The following MDGA2 variants were observed in gnomAD, a reference collection of about 807,000 sequenced individuals.
MDGA2 encodes the protein MAM domain containing glycosylphosphatidylinositol anchor 2.
Under a neutral mutation model 117.8 loss-of-function variants are expected in MDGA2, and 40 were observed. That is an observed-to-expected ratio of 0.34 (90% CI 0.26 to 0.44). The LOEUF (loss-of-function observed/expected upper bound fraction) is 0.44, where lower values mean the gene tolerates loss of function less well. Among genes scored for constraint, MDGA2 ranks in the 20% least tolerant of loss-of-function variants. The probability of loss-of-function intolerance (pLI) is 1.00; values close to 1 mark genes in which losing one functional copy is unlikely to be tolerated. For missense variants in MDGA2, 1,123 were observed against 1,250.6 expected (o/e 0.90, Z 1.54); for synonymous variants, 452 against 439.0 (o/e 1.03, Z -0.37).
chr14:47,611,485 C>T (rs1269356707), intron 1 of MDGA2, among the ~76,000 whole-genome samples: 2 of 151,822 alleles, frequency 1.3e-5, no homozygotes, highest in Non-Finnish European at 2.9e-5. Context: ...TACCCAGAAT[C>T]GACAACAAAC....
intron 9 of MDGA2, among the ~76,000 whole-genome samples, chr14:46,953,293 T>G (rs1419503676): frequency 6.7e-6 from 1 of 149,482 alleles, no homozygotes; most frequent in East Asian, 1.9e-4. Flanking sequence ...AAAAATCTAT[T>G]ATATATATAC....
In MDGA2 at chr14:47,386,379, A is replaced by G. The variant is rs186059422; in HGVS notation, c.281-84829T>C. 8.5e-5 allele frequency among the ~76,000 whole-genome samples: 13 copies of G among 152,282 alleles called. No individual in the cohort carries two copies. The East Asian group carries it at 2.5e-3, about 29-fold the overall frequency. On this transcript the variant is annotated intron_variant, in intron 1 of 16. Transcript: ENST00000399232. ...CTCATTATGGTTAATTTTATCAGAG[A>G]AAAAATTAAACCACTGACTGATAAC... is the stretch of plus-strand genomic sequence containing the variant.
At chr14:47,489,335 T>C (rs1164556028) in intron 1 of MDGA2, among the ~76,000 whole-genome samples, 1 of 152,114 alleles carries the variant, frequency 6.6e-6, no homozygotes, top group African/African-American at 2.4e-5. Context: ...AACTTTTTCG[T>C]GGCACTCATT....
chr14:47,378,253 G>C (rs1566760994), intron 1 of MDGA2, among the ~76,000 whole-genome samples: 1 of 152,112 alleles, frequency 6.6e-6, no homozygotes, highest in Non-Finnish European at 1.5e-5. Flanking sequence ...CCACAAAGAT[G>C]GGGAAAAAAC....
intron 8 of MDGA2, among the ~76,000 whole-genome samples, chr14:46,987,236 T>C (rs189130599): frequency 3.8e-4 from 58 of 152,150 alleles, no homozygotes; most frequent in African/African-American, 1.3e-3. Context: ...ATCACACTGG[T>C]CAAGCAAACA....
Position 46,959,039 on chromosome 14 carries a change from C to T in MDGA2, c.1820-1396G>A, listed in dbSNP as rs554261408. Among the ~76,000 whole-genome samples the T allele has an allele frequency of 2.0e-4, 30 of 152,102 alleles. No individual in the cohort carries two copies. The South Asian group carries it at 3.1e-3, about 16-fold the overall frequency. ...CCTACTTATTCCAGTTGAATTAATT[C>T]ATAAGAGTATGTTAAACTCCTCTAA... On this transcript the variant is annotated intron_variant, in intron 8 of 16. Transcript: ENST00000399232.
intron 1 of MDGA2, among the ~76,000 whole-genome samples, chr14:47,548,932 G>A (rs1339849932): frequency 1.3e-5 from 2 of 152,216 alleles, no homozygotes; most frequent in East Asian, 1.9e-4. Flanking sequence ...TGCAGCTGAG[G>A]TTATTTATTT....
At chr14:47,448,959 G>A (rs1893184207) in intron 1 of MDGA2, among the ~76,000 whole-genome samples, 1 of 152,076 alleles carries the variant, frequency 6.6e-6, no homozygotes, top group Admixed American at 6.5e-5. Flanking sequence ...CTGATATGAG[G>A]AAAAATCCTA....
intron 6 of MDGA2, among the ~76,000 whole-genome samples, chr14:47,091,691 C>T (rs1262602071): frequency 1.3e-5 from 2 of 151,904 alleles, no homozygotes; most frequent in Admixed American, 6.6e-5. Flanking sequence ...TAAGAATTTT[C>T]CAGCCTTCAA....
At chr14:47,211,358 T>C (rs1004509548) in intron 3 of MDGA2, among the ~76,000 whole-genome samples, 1 of 152,182 alleles carries the variant, frequency 6.6e-6, no homozygotes, top group African/African-American at 2.4e-5. Flanking sequence ...ACAAGACTCC[T>C]GGGTCTGAGA....
In MDGA2 at chr14:46,996,797, A is replaced by G. The variant is rs115341110; in HGVS notation, c.1819+38214T>C. ...GATGGCCATCTGAGATCTTTTCAGA[A>G]CAAAAAGAGCCTAGTAGCTTTTAAC... is the stretch of plus-strand genomic sequence containing the variant. On this transcript the variant is annotated intron_variant, in intron 8 of 16. Coordinates refer to ENST00000399232, the MANE Select transcript of MDGA2 (RefSeq NM_001113498.3). 1,667 of 177,514 alleles carry G rather than the reference A, an allele frequency of 9.4e-3. 28 individuals carry two copies. The highest frequency in any genetic ancestry group is 0.038 in the African/African-American group (1,601 of 42,154). 11.0% of individuals were successfully genotyped at this position (177,514 alleles called of 1,614,324 possible).
chr14:47,233,979 G>C (rs1359994741), intron 2 of MDGA2, among the ~76,000 whole-genome samples: 1 of 152,056 alleles, frequency 6.6e-6, no homozygotes, highest in Admixed American at 6.6e-5. Context: ...GTTGCCTCCT[G>C]AACTATTGAG....
chr14:46,902,466 T>C (rs1883324131), intron 10 of MDGA2, among the ~76,000 whole-genome samples: 1 of 152,162 alleles, frequency 6.6e-6, no homozygotes, highest in East Asian at 1.9e-4. Context: ...ATTTCCAGCA[T>C]ATATTTGAAT....
intron 2 of MDGA2, among the ~76,000 whole-genome samples, chr14:47,255,482 CT>C (rs1464725438): frequency 6.6e-6 from 1 of 152,158 alleles, no homozygotes; most frequent in Non-Finnish European, 1.5e-5. Context: ...AGATTTGTCC[CT>C]TGGCCCTATG....
chr14:47,458,263 C>A (rs1442912672), intron 1 of MDGA2, among the ~76,000 whole-genome samples: 1 of 152,106 alleles, frequency 6.6e-6, no homozygotes, highest in Non-Finnish European at 1.5e-5. Flanking sequence ...GTATCCCTTG[C>A]TGAGCAGAAG....
At chr14:47,012,324 T>G (rs1244113335) in intron 8 of MDGA2, among the ~76,000 whole-genome samples, 1 of 152,172 alleles carries the variant, frequency 6.6e-6, no homozygotes. Flanking sequence ...CTTCAGGTGC[T>G]GCATTCTCAG....
chr14:47,339,697 T>C (rs974014810), intron 1 of MDGA2, among the ~76,000 whole-genome samples: 4 of 152,162 alleles, frequency 2.6e-5, no homozygotes, highest in African/African-American at 9.7e-5. Flanking sequence ...CCAGAGGCAA[T>C]TGCTGGCACC....
At chr14:47,027,644 T>TGC (rs1888524253) in intron 8 of MDGA2, among the ~76,000 whole-genome samples, 1 of 149,124 alleles carries the variant, frequency 6.7e-6, no homozygotes, top group South Asian at 2.1e-4. Context: ...TATATATATA[T>TGC]GCAATGCACT....
chr14:47,343,851 T>A (rs1308732392), intron 1 of MDGA2, among the ~76,000 whole-genome samples: 1 of 152,038 alleles, frequency 6.6e-6, no homozygotes, highest in East Asian at 1.9e-4. Context: ...GTTAAGGTAA[T>A]ATGCATTAAT....
Sources: gnomAD v4.1 joint callset for allele counts (sites outside exome capture counted in the v4.1 genomes callset) on GRCh38, gnomAD v4.1.1 for gene constraint, MANE v1.5 for transcripts, NCBI Gene and HGNC (gene_info 2026-07-23, HGNC 2026-07-21) for gene names.